Variants in EYS observed in about 807,000 individuals in gnomAD.
EYS encodes EGF-like photoreceptor maintenance factor.
In EYS, 250 loss-of-function variants were observed where a neutral mutation model predicts 282.1. The ratio of observed to expected loss-of-function variants is 0.89; its 90% CI spans 0.80 to 0.98. The LOEUF (loss-of-function observed/expected upper bound fraction) is 0.98. EYS is among the 50% of genes least tolerant of loss of function. The probability of loss-of-function intolerance (pLI) is 0.00; values close to 1 mark genes in which losing one functional copy is unlikely to be tolerated. For synonymous variants in EYS, 1,355 were observed against 1,282.9 expected (o/e 1.06, Z -1.20); for missense variants, 4,016 against 3,709.0 (o/e 1.08, Z -2.15).
intron 12 of EYS, among the ~76,000 whole-genome samples, chr6:65,274,910 GA>G (rs1422464418): frequency 0.096 from 74 of 774 alleles, 2 homozygotes; most frequent in Admixed American, 0.27. Flanking sequence ...AAAAAAAAAG[GA>G]GAGAGAGAGA....
intron 33 of EYS, among the ~76,000 whole-genome samples, chr6:64,046,056 GTAT>G (rs1001931490): frequency 5.1e-4 from 74 of 146,358 alleles, no homozygotes; most frequent in African/African-American, 1.8e-3. Context: ...CATAATATAT[GTAT>G]TATATTTTAT....
chr6:64,785,990 T>C (rs894325022), intron 22 of EYS, among the ~76,000 whole-genome samples: 2 of 152,168 alleles, frequency 1.3e-5, no homozygotes, highest in Non-Finnish European at 2.9e-5. Flanking sequence ...GTGTATCTTA[T>C]AGTCAAGTAG....
intron 12 of EYS, among the ~76,000 whole-genome samples, chr6:65,133,836 C>G (rs1044235505): frequency 6.6e-6 from 1 of 151,822 alleles, no homozygotes; most frequent in Non-Finnish European, 1.5e-5. Context: ...AACAGACAAC[C>G]TACAGAATGG....
intron 2 of EYS, among the ~76,000 whole-genome samples, chr6:65,623,902 T>C (rs964471472): frequency 2.6e-5 from 4 of 152,266 alleles, no homozygotes; most frequent in South Asian, 2.1e-4. Context: ...TAGGCTCATG[T>C]TGAGTGGGAA....
chr6:65,040,385 A>T (rs757557103), intron 13 of EYS, among the ~76,000 whole-genome samples: 1 of 151,654 alleles, frequency 6.6e-6, no homozygotes, highest in African/African-American at 2.4e-5. Flanking sequence ...CACTGCTTTC[A>T]TCTTCATATG....
chr6:63,788,058 A>T, intron 39 of EYS, 47 bp downstream of exon 39: 2 of 1,394,258 alleles, frequency 1.4e-6, no homozygotes, highest in Non-Finnish European at 1.9e-6. Flanking sequence ...TTTTTCCCTC[A>T]ACATTTGAAA....
intron 12 of EYS, among the ~76,000 whole-genome samples, chr6:65,144,769 C>CTTT (rs752743873): frequency 2.8e-5 from 4 of 144,810 alleles, no homozygotes; most frequent in Non-Finnish European, 4.6e-5. Context: ...AGTTTACTTA[C>CTTT]TTTTTTTTTT....
intron 35 of EYS, among the ~76,000 whole-genome samples, chr6:63,922,210 A>G (rs1268776665): frequency 2.6e-5 from 4 of 152,220 alleles, no homozygotes; most frequent in African/African-American, 7.2e-5. Flanking sequence ...TTGTTATGGT[A>G]ACTCAAGCTG....
chr6:63,874,240 G>T (rs1033554828), intron 35 of EYS, among the ~76,000 whole-genome samples: 1 of 152,060 alleles, frequency 6.6e-6, no homozygotes, highest in Non-Finnish European at 1.5e-5. Flanking sequence ...AGCACCATTT[G>T]TTAAATAGGG....
intron 31 of EYS, among the ~76,000 whole-genome samples, chr6:64,218,165 C>T (rs575648401): frequency 1.3e-5 from 2 of 152,270 alleles, no homozygotes; most frequent in East Asian, 3.9e-4. Flanking sequence ...CCCAGTTCCC[C>T]TGCCCCTCCA....
chr6:64,964,712 A>G (rs891893815), intron 14 of EYS, among the ~76,000 whole-genome samples: 5 of 152,182 alleles, frequency 3.3e-5, no homozygotes, highest in African/African-American at 7.2e-5. Context: ...TATTAATAAC[A>G]TTAATAAAAT....
At chr6:65,106,826 A>G (rs1313866467) in intron 12 of EYS, among the ~76,000 whole-genome samples, 1 of 152,100 alleles carries the variant, frequency 6.6e-6, no homozygotes, top group Non-Finnish European at 1.5e-5. Context: ...TATTCTAACA[A>G]TGTAAATATA....
At chr6:64,371,324 G>GTT (rs34032224) in intron 29 of EYS, among the ~76,000 whole-genome samples, 7,487 of 143,016 alleles carry the variant, frequency 0.052, 554 homozygotes, top group African/African-American at 0.17. Context: ...TTTATGGTTG[G>GTT]TTTTTTTTTT....
At chr6:63,923,683 G>A (rs1764636049) in intron 35 of EYS, among the ~76,000 whole-genome samples, 1 of 152,116 alleles carries the variant, frequency 6.6e-6, no homozygotes. Flanking sequence ...TTTCACCCAG[G>A]TACTGAGCAT....
rs371933945 is a variant in EYS, at chr6:65,463,560, T to A, written c.862+27034A>T. The stretch of plus-strand genomic sequence containing the variant: ...AGGTGATCAATACATATTTGTTCAA[T>A]GCCAGAGAATAATTTATAAACTAAT... On this transcript the variant is annotated intron_variant, in intron 5 of 42. Coordinates refer to ENST00000503581, the MANE Select transcript of EYS (RefSeq NM_001142800.2). Among the ~76,000 whole-genome samples the A allele has an allele frequency of 1.3e-4, 20 of 152,324 alleles. No homozygotes were observed. The East Asian group carries it at 2.7e-3, about 21-fold the overall frequency.
At chr6:65,535,633 G>A (rs536820232) in intron 2 of EYS, among the ~76,000 whole-genome samples, 1 of 152,198 alleles carries the variant, frequency 6.6e-6, no homozygotes, top group African/African-American at 2.4e-5. Context: ...TTTAGTTTAA[G>A]TCTAAAGGCA....
chr6:65,667,504 T>C (rs943502639), intron 1 of EYS, among the ~76,000 whole-genome samples: 8 of 151,888 alleles, frequency 5.3e-5, no homozygotes, highest in Admixed American at 2.0e-4. Context: ...ATTACCATAT[T>C]CTTATGATTC....
At chr6:65,406,564 T>C (rs1056766961) in intron 5 of EYS, among the ~76,000 whole-genome samples, 9 of 152,126 alleles carry the variant, frequency 5.9e-5, no homozygotes, top group African/African-American at 1.9e-4. Context: ...TATGTTTAGA[T>C]TCCTAATCCA....
At chr6:65,575,246 G>A (rs1463550062) in intron 2 of EYS, among the ~76,000 whole-genome samples, 1 of 151,862 alleles carries the variant, frequency 6.6e-6, no homozygotes, top group Non-Finnish European at 1.5e-5. Context: ...TGAATCACTT[G>A]AATCTGGGAG....
Sources: gnomAD v4.1 joint callset for allele counts (sites outside exome capture counted in the v4.1 genomes callset) on GRCh38, gnomAD v4.1.1 for gene constraint, MANE v1.5 for transcripts, NCBI Gene and HGNC (gene_info 2026-07-23, HGNC 2026-07-21) for gene names.